The following TECPR2 variants were observed in gnomAD, a reference collection of about 807,000 sequenced individuals.
The protein encoded by TECPR2 is tectonin beta-propeller repeat containing 2, also known as tectonin beta-propeller repeat-containing protein 2.
A neutral mutation model predicts 138.1 loss-of-function variants in TECPR2; 65 were observed. That is an observed-to-expected ratio of 0.47 (90% CI 0.39 to 0.58). The LOEUF is 0.58. Ranked by LOEUF, TECPR2 falls within the 20% of genes least tolerant of loss-of-function variation. The probability of loss-of-function intolerance (pLI) is 0.00; values close to 1 mark genes in which losing one functional copy is unlikely to be tolerated. For synonymous variants in TECPR2, 746 were observed against 749.8 expected, an observed-to-expected ratio of 0.99 and a Z score of 0.08; for missense variants, 1,553 against 1,824.5, an observed-to-expected ratio of 0.85 and a Z score of 2.71.
Position 102,499,568 on chromosome 14 carries a change from G to A in TECPR2, c.*1311G>A, listed in dbSNP as rs1818882293. 1 of 332,640 alleles carries A rather than the reference G, an allele frequency of 3.0e-6. No individual in the cohort carries two copies. The highest frequency in any genetic ancestry group is 2.1e-5 in the African/African-American group (1 of 47,236). The allele number at this position is 332,640 out of a possible 1,614,324, so 20.6% of individuals were successfully genotyped here. On this transcript the variant is annotated 3_prime_UTR_variant, in exon 20 of 20. Coordinates refer to ENST00000359520, the MANE Select transcript of TECPR2 (RefSeq NM_014844.5). Reference sequence around the variant, plus strand: ...CAGCCCATGCCTTCTGCGGGGTATGGGTTGACACTTGACAGGTTGAAACCA... The same window carrying A: ...CAGCCCATGCCTTCTGCGGGGTATGAGTTGACACTTGACAGGTTGAAACCA...
intron 17 of TECPR2, among the ~76,000 whole-genome samples, chr14:102,470,702 CA>C (rs1275824305): frequency 6.7e-6 from 1 of 149,938 alleles, no homozygotes; most frequent in Non-Finnish European, 1.5e-5. Context: ...GGCAATGGCA[CA>C]ATCTCAGCTC....
At chr14:102,480,098 G>A (rs1471287758) in intron 17 of TECPR2, among the ~76,000 whole-genome samples, 1 of 152,118 alleles carries the variant, frequency 6.6e-6, no homozygotes, top group African/African-American at 2.4e-5. Context: ...TAAAGTGAAG[G>A]GTCATATCCA....
rs533015182 is a variant in TECPR2, at chr14:102,372,899, G to T, written c.-72-3751G>T. ...CATGCCACTGCACTCCAGCATGGGC[G>T]ACGGAGCAAGTCTCAAAAAAAAAAG... On this transcript the variant is annotated intron_variant, in intron 1 of 19. Coordinates refer to ENST00000359520, the MANE Select transcript of TECPR2 (RefSeq NM_014844.5). Among the ~76,000 whole-genome samples the T allele has an allele frequency of 3.2e-3, 485 of 152,088 alleles. 4 individuals are homozygous for T. Among genetic ancestry groups the T allele is most frequent in the African/African-American group, 0.011 (473 of 41,506 alleles).
chr14:102,440,612 A>T lies in TECPR2; in HGVS notation c.2752+3A>T. ...TGGGGACCTATACTTGCAGACAGGT[A>T]ACCGCGGGCCACGCTTAGAGGCCTG... On this transcript the variant is annotated splice_donor_region_variant and intron_variant, in intron 11 of 19. Coordinates refer to ENST00000359520, the MANE Select transcript of TECPR2 (RefSeq NM_014844.5). The T allele has an allele frequency of 6.2e-7, 1 of 1,612,696 alleles. No individual in the cohort carries two copies. The highest frequency in any genetic ancestry group is 8.5e-7 in the Non-Finnish European group (1 of 1,179,158).
At chr14:102,481,666 A>G (rs542319174) in intron 17 of TECPR2, among the ~76,000 whole-genome samples, 2 of 152,298 alleles carry the variant, frequency 1.3e-5, no homozygotes, top group East Asian at 1.9e-4. Context: ...TGGGTTCTAT[A>G]AGATGTGCTA....
intron 2 of TECPR2, among the ~76,000 whole-genome samples, chr14:102,396,469 G>A (rs897201881): frequency 6.6e-6 from 1 of 152,112 alleles, no homozygotes; most frequent in Non-Finnish European, 1.5e-5. Context: ...TAGAAATGAG[G>A]TGGGGTTTTT....
chr14:102,481,634 A>T (rs551807348), intron 17 of TECPR2, among the ~76,000 whole-genome samples: 1 of 152,282 alleles, frequency 6.6e-6, no homozygotes, highest in Non-Finnish European at 1.5e-5. Context: ...CACATGTGAA[A>T]ATCAGTAGGT....
chr14:102,472,058 G>T (rs1376782002), intron 17 of TECPR2, among the ~76,000 whole-genome samples: 1 of 152,248 alleles, frequency 6.6e-6, no homozygotes, highest in Non-Finnish European at 1.5e-5. Flanking sequence ...TTTGCAGGAT[G>T]TGTTGTAGAA....
intron 2 of TECPR2, among the ~76,000 whole-genome samples, chr14:102,384,100 G>A (rs1887919720): frequency 6.6e-6 from 1 of 151,480 alleles, no homozygotes; most frequent in Non-Finnish European, 1.5e-5. Context: ...TGTATTTTTA[G>A]TAGAGACAGG....
At chr14:102,456,023 G>A (rs1312725280) in intron 16 of TECPR2, among the ~76,000 whole-genome samples, 1 of 152,170 alleles carries the variant, frequency 6.6e-6, no homozygotes, top group Non-Finnish European at 1.5e-5. Context: ...CAACGTGCTG[G>A]GATTACAAGT....
At chr14:102,477,960 G>C (rs1474561125) in intron 17 of TECPR2, among the ~76,000 whole-genome samples, 1 of 132,954 alleles carries the variant, frequency 7.5e-6, no homozygotes, top group African/African-American at 2.9e-5. Flanking sequence ...AAAAAAAAGA[G>C]TTAGCCAGGA....
intron 5 of TECPR2, among the ~76,000 whole-genome samples, chr14:102,418,576 G>T (rs936987363): frequency 2.0e-5 from 3 of 152,218 alleles, no homozygotes; most frequent in African/African-American, 7.2e-5. Context: ...TGTGGAGCAC[G>T]GTGTGGGGAG....
chr14:102,379,262 A>T (rs1305338004), intron 2 of TECPR2, among the ~76,000 whole-genome samples: 1 of 151,970 alleles, frequency 6.6e-6, no homozygotes, highest in African/African-American at 2.4e-5. Flanking sequence ...AAATCCATGC[A>T]CAGAGGCGTC....
chr14:102,426,555 A>C (rs1889327136), intron 6 of TECPR2, among the ~76,000 whole-genome samples: 1 of 152,206 alleles, frequency 6.6e-6, no homozygotes, highest in African/African-American at 2.4e-5. Flanking sequence ...ACTGTAGAAA[A>C]TAAACAGTTT....
intron 2 of TECPR2, among the ~76,000 whole-genome samples, chr14:102,402,797 G>T (rs1033692184): frequency 2.0e-5 from 3 of 152,020 alleles, no homozygotes; most frequent in Non-Finnish European, 2.9e-5. Context: ...TAGATGAAAT[G>T]GACAAACCCC....
intron 7 of TECPR2, among the ~76,000 whole-genome samples, chr14:102,428,849 C>CTT (rs541769149): frequency 9.9e-5 from 14 of 141,126 alleles, no homozygotes; most frequent in Non-Finnish European, 1.7e-4. Context: ...TCCTCTGATT[C>CTT]TTTTTTTTTT....
chr14:102,465,823 C>T (rs1234304004), intron 17 of TECPR2, among the ~76,000 whole-genome samples: 1 of 152,190 alleles, frequency 6.6e-6, no homozygotes, highest in Non-Finnish European at 1.5e-5. Flanking sequence ...CAGCACTCAG[C>T]TCACAAGGAG....
Position 102,434,492 on chromosome 14 carries a change from T to C in TECPR2, c.1675T>C (p.Ser559Pro). The C allele has an allele frequency of 6.4e-7, 1 of 1,561,762 alleles. No individual in the cohort carries two copies. The highest frequency in any genetic ancestry group is 8.7e-7 in the Non-Finnish European group (1 of 1,154,312). Residue 559 changes from serine (S) to proline (P), a missense_variant, in exon 9 of 20, where the codon TCT becomes CCT. Ser to Pro is a moderately conservative substitution (Grantham distance 74). Coordinates refer to ENST00000359520, the MANE Select transcript of TECPR2 (RefSeq NM_014844.5). ...VLEVSGSMPDSLAEEDDIRTE... is the reference protein window; with the variant it reads ...VLEVSGSMPDPLAEEDDIRTE... ...GGAGGTGTCAGGATCAATGCCTGATTCTCTGGCTGAGGAAGATGACATTAG... is the reference window on the plus strand; with the variant it reads ...GGAGGTGTCAGGATCAATGCCTGATCCTCTGGCTGAGGAAGATGACATTAG...
chr14:102,371,588 C>A (rs1456792231), intron 1 of TECPR2, among the ~76,000 whole-genome samples: 1 of 152,200 alleles, frequency 6.6e-6, no homozygotes, highest in Non-Finnish European at 1.5e-5. Flanking sequence ...CTATGGCTTA[C>A]GGGCCTCTAG....
Sources: allele counts gnomAD v4.1 joint callset (sites outside exome capture counted in the v4.1 genomes callset), GRCh38; gene constraint gnomAD v4.1.1; transcripts MANE v1.5; gene names NCBI Gene and HGNC (gene_info 2026-07-23, HGNC 2026-07-21).